RAD51B: variants seen among roughly 807,000 people sequenced by gnomAD.
RAD51B encodes DNA repair protein RAD51 homolog 2.
In RAD51B, 38 loss-of-function variants were observed where a neutral mutation model predicts 42.2. That is an observed-to-expected ratio of 0.90 (90% CI 0.70 to 1.18). The LOEUF is 1.18. RAD51B is among the 50% of genes most tolerant of loss of function. The pLI is 0.00. For synonymous variants in RAD51B, 154 were observed against 145.2 expected (o/e 1.06, Z -0.43); for missense variants, 373 against 400.7 (o/e 0.93, Z 0.59).
chr14:68,572,918 T>G (rs1378808367), intron 10 of RAD51B, among the ~76,000 whole-genome samples: 3 of 152,136 alleles, frequency 2.0e-5, no homozygotes, highest in Non-Finnish European at 4.4e-5. Flanking sequence ...CTATGAAGAA[T>G]GGGTAGTAGC....
chr14:67,823,460 T>C, intron 1 of RAD51B, 82 bp from the exon 2 acceptor site: 1 of 1,161,216 alleles, frequency 8.6e-7, no homozygotes, highest in Non-Finnish European at 1.2e-6. Flanking sequence ...TTTAATTTTG[T>C]TTTGGATAGC....
At chr14:68,091,780 G>A (rs1381057417) in intron 7 of RAD51B, among the ~76,000 whole-genome samples, 1 of 152,176 alleles carries the variant, frequency 6.6e-6, no homozygotes, top group Non-Finnish European at 1.5e-5. Context: ...GCCCATGTCT[G>A]TGTCCTGAAT....
chr14:67,886,020 A>G (rs765970037), intron 6 of RAD51B, 32 bp downstream of exon 6: 23 of 1,496,188 alleles, frequency 1.5e-5, no homozygotes, highest in East Asian at 1.4e-4. Context: ...TTTTTTAGTA[A>G]TGCGTTGAAG....
chr14:68,249,380 T>C (rs910993175), intron 7 of RAD51B, among the ~76,000 whole-genome samples: 1 of 152,230 alleles, frequency 6.6e-6, no homozygotes, highest in African/African-American at 2.4e-5. Context: ...AAGTATACCC[T>C]ACATTAAGAA....
At chr14:68,523,609 G>A (rs775251554) in intron 10 of RAD51B, among the ~76,000 whole-genome samples, 38 of 152,110 alleles carry the variant, frequency 2.5e-4, no homozygotes, top group Non-Finnish European at 4.6e-4. Context: ...ATAAGTGCCC[G>A]GCTTTCCATC....
At chr14:67,923,795 A>G (rs915042382) in intron 7 of RAD51B, among the ~76,000 whole-genome samples, 2 of 152,106 alleles carry the variant, frequency 1.3e-5, no homozygotes, top group Non-Finnish European at 2.9e-5. Context: ...TCTTTAAGGA[A>G]TCTCCACATT....
rs541171466 is a variant in RAD51B at position 68,516,006 on chromosome 14, C to T, written c.1036+47756C>T. Among the ~76,000 whole-genome samples, 17 of 151,938 alleles carry T rather than the reference C, an allele frequency of 1.1e-4. No homozygotes were observed. The East Asian group carries it at 2.1e-3, about 19-fold the overall frequency. ...TTCACCATGTTAGCCAGGATGGTCTCGATCTCCTGACCTTGTGGTCCGCCC... is the reference window on the plus strand; with the variant it reads ...TTCACCATGTTAGCCAGGATGGTCTTGATCTCCTGACCTTGTGGTCCGCCC... On this transcript the variant is annotated intron_variant, in intron 10 of 10. Coordinates refer to the RAD51B transcript ENST00000487270.
intron 10 of RAD51B, among the ~76,000 whole-genome samples, chr14:68,498,897 G>C (rs974215046): frequency 6.6e-6 from 1 of 152,184 alleles, no homozygotes; most frequent in Non-Finnish European, 1.5e-5. Flanking sequence ...TCCCAGCAGG[G>C]GACTGGGAAC....
chr14:68,573,199 C>A (rs1219448479), intron 10 of RAD51B, among the ~76,000 whole-genome samples: 1 of 152,188 alleles, frequency 6.6e-6, no homozygotes, highest in African/African-American at 2.4e-5. Context: ...AGCCTTCCAG[C>A]AGCTCTCACC....
chr14:67,905,642 G>A (rs768374880), intron 7 of RAD51B, among the ~76,000 whole-genome samples: 3 of 152,050 alleles, frequency 2.0e-5, no homozygotes, highest in Non-Finnish European at 4.4e-5. Flanking sequence ...CTGGTTAGCT[G>A]TGTTCCTAGG....
chr14:68,269,650 G>C (rs575074278), intron 7 of RAD51B, among the ~76,000 whole-genome samples: 4 of 152,246 alleles, frequency 2.6e-5, no homozygotes, highest in African/African-American at 9.6e-5. Flanking sequence ...CTTGTTTACT[G>C]TTGGACCCTG....
chr14:68,313,926 G>A lies in RAD51B; in HGVS notation c.853+21946G>A, dbSNP rs898514744. On this transcript the variant is annotated intron_variant, in intron 8 of 10. Coordinates refer to ENST00000471583, the MANE Select transcript of RAD51B (RefSeq NM_133510.4). ...TGGCTATCTTGAAATCTAGGAGGAA[G>A]GAGCTAAAGACCCCGTGGCCTCTGA... Among the ~76,000 whole-genome samples, 11 of 103,404 alleles carry A rather than the reference G, an allele frequency of 1.1e-4. No homozygotes were observed. The South Asian group carries it at 4.3e-3, about 40-fold the overall frequency. 67.8% of individuals were successfully genotyped at this position (103,404 alleles called of 152,430 possible). A position where few individuals can be genotyped will look rare whatever the true frequency, so the allele number is the denominator to read the frequency against.
intron 7 of RAD51B, among the ~76,000 whole-genome samples, chr14:68,242,273 G>A (rs1230793832): frequency 6.6e-6 from 1 of 152,166 alleles, no homozygotes; most frequent in African/African-American, 2.4e-5. Context: ...GGTACGCTCC[G>A]TAGCTGTCCT....
intron 10 of RAD51B, among the ~76,000 whole-genome samples, chr14:68,492,872 T>G (rs1884188905): frequency 6.6e-6 from 1 of 152,186 alleles, no homozygotes; most frequent in South Asian, 2.1e-4. Flanking sequence ...CTGAGGCAAG[T>G]ACCATTATCC....
At chr14:67,959,308 G>A (rs555650262) in intron 7 of RAD51B, among the ~76,000 whole-genome samples, 12 of 151,690 alleles carry the variant, frequency 7.9e-5, no homozygotes, top group African/African-American at 2.4e-4. Flanking sequence ...GTGCAGTGGT[G>A]CGATCTTGGC....
Position 68,212,693 on chromosome 14 carries a change from G to C in RAD51B, c.757-79191G>C, listed in dbSNP as rs142986129. Among the ~76,000 whole-genome samples the C allele has an allele frequency of 1.2e-4, 19 of 152,336 alleles. No individual in the cohort carries two copies. The East Asian group carries it at 3.7e-3, about 29-fold the overall frequency. ...AATTTTGAAGAAATGGAGTGAAGAAGAAGACATGTTCCAGAATGCACAGGA... is the reference window on the plus strand; with the variant it reads ...AATTTTGAAGAAATGGAGTGAAGAACAAGACATGTTCCAGAATGCACAGGA... On this transcript the variant is annotated intron_variant, in intron 7 of 10. Coordinates refer to ENST00000471583, the MANE Select transcript of RAD51B (RefSeq NM_133510.4).
intron 8 of RAD51B, among the ~76,000 whole-genome samples, chr14:68,299,377 G>T (rs1473652479): frequency 2.0e-5 from 3 of 152,054 alleles, no homozygotes; most frequent in Admixed American, 6.6e-5. Context: ...ATGGATGATT[G>T]CATCTGTACT....
intron 7 of RAD51B, among the ~76,000 whole-genome samples, chr14:68,116,346 TAAAAAAAA>T (rs59572940): frequency 7.4e-6 from 1 of 135,264 alleles, no homozygotes; most frequent in Admixed American, 7.5e-5. Flanking sequence ...TTTAAAAGGT[TAAAAAAAA>T]AAAAAAAAAG....
intron 10 of RAD51B, among the ~76,000 whole-genome samples, chr14:68,533,802 A>C (rs766950876): frequency 1.3e-5 from 2 of 152,270 alleles, no homozygotes; most frequent in African/African-American, 4.8e-5. Context: ...AAGTGTAATC[A>C]GTCAACTCAG....
Sources: allele counts gnomAD v4.1 joint callset (sites outside exome capture counted in the v4.1 genomes callset), GRCh38; gene constraint gnomAD v4.1.1; transcripts MANE v1.5; gene names NCBI Gene and HGNC (gene_info 2026-07-23, HGNC 2026-07-21).